The following BAD variants were observed in gnomAD, a reference collection of about 807,000 sequenced individuals.
BAD encodes BCL2 associated agonist of cell death, also known as bcl2-associated agonist of cell death.
In BAD, 18 loss-of-function variants were observed where a neutral mutation model predicts 17.8. That is an observed-to-expected ratio of 1.01 (90% confidence interval 0.70 to 1.50). The LOEUF (loss-of-function observed/expected upper bound fraction) is 1.50. Ranked by LOEUF, BAD falls within the 40% of genes most tolerant of loss-of-function variation. The pLI, the probability that BAD is intolerant of heterozygous loss-of-function variation, is 0.00. For synonymous variants in BAD, 112 were observed against 91.5 expected, an observed-to-expected ratio of 1.22 and a Z score of -1.28; for missense variants, 294 against 239.3, an observed-to-expected ratio of 1.23 and a Z score of -1.51.
At chr11:64,279,169 C>T (rs11231740) in intron 2 of BAD, among the ~76,000 whole-genome samples, 52,057 of 151,940 alleles carry the variant, frequency 0.34, 10,932 homozygotes, top group Non-Finnish European at 0.48. Flanking sequence ...AGACTCATTC[C>T]CAGGGACATA....
chr11:64,284,238 A>AGGCCTGG lies in BAD; in HGVS notation c.124_130dup (p.Leu44ProfsTer78). The AGGCCTGG allele has an allele frequency of 6.2e-7, 1 of 1,608,276 alleles. No homozygotes were observed. Among genetic ancestry groups the AGGCCTGG allele is most frequent in the Non-Finnish European group, 8.5e-7 (1 of 1,177,780 alleles). ...CTGCTGGTGACTGGCGTCCCACAGG[A>AGGCCTGG]GGCCTGGGGCCTGGCGATGATGCTT... is the stretch of plus-strand genomic sequence containing the variant. On this transcript the variant is annotated frameshift_variant, in exon 2 of 4. Transcript: ENST00000309032. LOFTEE classifies it high-confidence loss of function.
intron 2 of BAD, among the ~76,000 whole-genome samples, chr11:64,282,882 A>G (rs1337195420): frequency 9.1e-5 from 11 of 120,468 alleles, no homozygotes; most frequent in Admixed American, 1.6e-4. Flanking sequence ...CCGTCTCAGG[A>G]AAAAAAAAAA....
intron 2 of BAD, among the ~76,000 whole-genome samples, chr11:64,283,610 G>C (rs973714970): frequency 6.6e-6 from 1 of 152,196 alleles, no homozygotes; most frequent in Admixed American, 6.5e-5. Flanking sequence ...AACACATCTG[G>C]GAGCTGGAAG....
At chr11:64,283,693 A>C (rs1308083300) in intron 2 of BAD, among the ~76,000 whole-genome samples, 1 of 152,228 alleles carries the variant, frequency 6.6e-6, no homozygotes, top group Non-Finnish European at 1.5e-5. Flanking sequence ...ATTCTAAGGA[A>C]AGAAACACCA....
At chr11:64,284,568 C>T (rs534613882) in intron 1 of BAD, 63 bp downstream of exon 1, 2 of 1,491,702 alleles carry the variant, frequency 1.3e-6, no homozygotes, top group East Asian at 2.5e-5. Context: ...ACCTCAGTCT[C>T]CCCTCAGAAC....
intron 2 of BAD, among the ~76,000 whole-genome samples, chr11:64,282,727 A>C (rs1376716349): frequency 2.0e-5 from 3 of 151,526 alleles, no homozygotes; most frequent in Admixed American, 6.6e-5. Flanking sequence ...AAAATACAAG[A>C]AATTAGCCCG....
At chr11:64,271,530 C>T in intron 3 of BAD, 83 bp downstream of exon 3, 1 of 1,312,072 alleles carries the variant, frequency 7.6e-7, no homozygotes, top group South Asian at 1.9e-5. Flanking sequence ...CAGATCCGGG[C>T]GTGCCTTGGG....
intron 2 of BAD, 184 bp from the exon 3 acceptor site, chr11:64,271,987 G>A: frequency 2.3e-6 from 1 of 430,970 alleles, no homozygotes; most frequent in Non-Finnish European, 3.9e-6. Context: ...AGGGGCCTTT[G>A]GTGAAGATTT....
At chr11:64,284,463 C>T (rs2033715188) in intron 1 of BAD, 87 bp from the exon 2 acceptor site, 3 of 1,597,392 alleles carry the variant, frequency 1.9e-6, no homozygotes, top group Non-Finnish European at 2.5e-6. Flanking sequence ...CTGGCTTCCT[C>T]TCCCACCGTA....
At chr11:64,280,782 C>A (rs892706684) in intron 2 of BAD, among the ~76,000 whole-genome samples, 4 of 151,780 alleles carry the variant, frequency 2.6e-5, no homozygotes, top group African/African-American at 4.8e-5. Flanking sequence ...ATTCTCCTGC[C>A]TCAGCCTCTC....
intron 2 of BAD, among the ~76,000 whole-genome samples, chr11:64,275,465 G>A (rs1370203421): frequency 6.6e-6 from 1 of 152,112 alleles, no homozygotes; most frequent in African/African-American, 2.4e-5. Flanking sequence ...TGAAATGGGG[G>A]CAGTTCCCCA....
Position 64,269,903 on chromosome 11 carries a change from C to T in BAD, c.*306G>A, listed in dbSNP as rs1317599613. 3 of 701,422 alleles carry T rather than the reference C, an allele frequency of 4.3e-6. No homozygotes were observed. The highest frequency in any genetic ancestry group is 7.8e-6 in the Non-Finnish European group (3 of 386,520). 43.4% of individuals were successfully genotyped at this position (701,422 alleles called of 1,614,324 possible). ...CCAGGGCATCGCGGGGGCTCGGGTC[C>T]CGGTGACGCAACGGTTAAACCTGGC... On this transcript the variant is annotated 3_prime_UTR_variant, in exon 4 of 4. Transcript: ENST00000309032.
intron 2 of BAD, among the ~76,000 whole-genome samples, chr11:64,280,345 A>AATG (rs2033374633): frequency 7.1e-6 from 1 of 141,340 alleles, no homozygotes; most frequent in African/African-American, 2.6e-5. Flanking sequence ...TAATAATAAT[A>AATG]ATAATAATAA....
At chr11:64,280,477 G>A (rs1392818538) in intron 2 of BAD, among the ~76,000 whole-genome samples, 4 of 137,640 alleles carry the variant, frequency 2.9e-5, no homozygotes, top group South Asian at 2.5e-4. Flanking sequence ...TCAGCCTCCC[G>A]AGTAGCTGGG....
chr11:64,281,507 T>A (rs1173463132), intron 2 of BAD, among the ~76,000 whole-genome samples: 1 of 152,222 alleles, frequency 6.6e-6, no homozygotes, highest in Non-Finnish European at 1.5e-5. Context: ...GACCTTCAAC[T>A]TTAGGTCTCC....
At chr11:64,278,531 T>C (rs977718870) in intron 2 of BAD, among the ~76,000 whole-genome samples, 3 of 152,242 alleles carry the variant, frequency 2.0e-5, no homozygotes, top group Non-Finnish European at 2.9e-5. Flanking sequence ...GCCACAGCCC[T>C]GCGAGGTGGG....
At chr11:64,280,975 A>AT (rs998317393) in intron 2 of BAD, among the ~76,000 whole-genome samples, 34 of 101,798 alleles carry the variant, frequency 3.3e-4, no homozygotes, top group African/African-American at 1.2e-3. Context: ...GCCAATAATA[A>AT]TTTTTTTTTT....
intron 2 of BAD, among the ~76,000 whole-genome samples, chr11:64,279,344 T>G (rs1290320450): frequency 1.3e-5 from 2 of 152,028 alleles, no homozygotes; most frequent in Non-Finnish European, 2.9e-5. Flanking sequence ...CATCTACCAT[T>G]CCTTCCTTTG....
intron 3 of BAD, chr11:64,270,678 C>A (rs570760113): frequency 1.8e-6 from 1 of 551,896 alleles, no homozygotes; most frequent in African/African-American, 1.9e-5. Flanking sequence ...GCCTGTAATC[C>A]CAGCACTTTG....
Sources: allele counts gnomAD v4.1 joint callset (sites outside exome capture counted in the v4.1 genomes callset), GRCh38; gene constraint gnomAD v4.1.1; transcripts MANE v1.5; gene names NCBI Gene and HGNC (gene_info 2026-07-23, HGNC 2026-07-21).